The following PACSIN2 variants were observed in gnomAD, a reference collection of about 807,000 sequenced individuals.
PACSIN2 encodes the protein protein kinase C and casein kinase substrate in neurons 2.
In PACSIN2, 25 loss-of-function variants were observed where a neutral mutation model predicts 63.8. That is an observed-to-expected ratio of 0.39 (90% CI 0.29 to 0.55). The LOEUF (loss-of-function observed/expected upper bound fraction) is 0.55, where lower values mean the gene tolerates loss of function less well. PACSIN2 is among the 20% of genes least tolerant of loss of function. PACSIN2 has a pLI of 0.62. For synonymous variants in PACSIN2, 255 were observed against 256.2 expected (o/e 1.00, Z 0.05); for missense variants, 518 against 646.9 (o/e 0.80, Z 2.16).
intron 1 of PACSIN2, among the ~76,000 whole-genome samples, chr22:42,923,004 CGGCAGA>C (rs1932294376): frequency 6.6e-6 from 1 of 152,060 alleles, no homozygotes; most frequent in African/African-American, 2.4e-5. Context: ...GGGGTCTTTC[CGGCAGA>C]GGCAGAGGGA....
At chr22:42,905,629 A>G (rs566603997) in intron 2 of PACSIN2, among the ~76,000 whole-genome samples, 44 of 152,214 alleles carry the variant, frequency 2.9e-4, no homozygotes, top group Non-Finnish European at 5.1e-4. Flanking sequence ...TTTTCCCAGT[A>G]TCGGGAATGG....
intron 1 of PACSIN2, among the ~76,000 whole-genome samples, chr22:42,965,665 C>T (rs1920947380): frequency 6.6e-6 from 1 of 152,156 alleles, no homozygotes; most frequent in Admixed American, 6.5e-5. Flanking sequence ...AACTGATCCT[C>T]TACCAATGAC....
At position 42,884,504 on chromosome 22, in the gene PACSIN2, T is replaced by C; in HGVS notation, c.667A>G (p.Met223Val). The change falls in exon 6 of 11, where the codon ATG (methionine) becomes GTG (valine). Residue 223 changes from methionine to valine, a missense_variant. By Grantham distance (21) the Met-to-Val change is conservative. Around this residue, in one of 2 missense-constraint regions of PACSIN2, gnomAD observed 507 missense variants for 612.3 expected, o/e 0.83. Coordinates refer to ENST00000263246, the MANE Select transcript of PACSIN2 (RefSeq NM_001184970.3). ...TCAAACACCTGCTCCATGTTCTCCA[T>C]GTACTGGGGTGTGCCCTGGTCGAGT... Reference protein sequence around the residue: ...KELDQGTPQYMENMEQVFEQC... With the variant: ...KELDQGTPQYVENMEQVFEQC... 6.2e-7 allele frequency: 1 copy of C among 1,614,190 alleles called. No homozygotes were observed. Among genetic ancestry groups the C allele is most frequent in the Non-Finnish European group, 8.5e-7 (1 of 1,180,000 alleles).
chr22:42,933,879 A>G (rs1932834374), intron 1 of PACSIN2, among the ~76,000 whole-genome samples: 1 of 152,250 alleles, frequency 6.6e-6, no homozygotes, highest in Admixed American at 6.5e-5. Flanking sequence ...GAAAGTATGA[A>G]CAAGCAGACG....
intron 1 of PACSIN2, among the ~76,000 whole-genome samples, chr22:42,916,971 G>A (rs1601515528): frequency 6.6e-6 from 1 of 152,060 alleles, no homozygotes; most frequent in Non-Finnish European, 1.5e-5. Context: ...AGCACTTTTG[G>A]TGACGCTGCC....
intron 2 of PACSIN2, among the ~76,000 whole-genome samples, chr22:42,896,082 T>C (rs1280668979): frequency 2.0e-5 from 3 of 152,188 alleles, no homozygotes; most frequent in African/African-American, 7.2e-5. Flanking sequence ...GATCTGAATG[T>C]GGACAAACAT....
chr22:42,979,225 G>T (rs1354077504), intron 1 of PACSIN2, among the ~76,000 whole-genome samples: 2 of 152,086 alleles, frequency 1.3e-5, no homozygotes, highest in Non-Finnish European at 2.9e-5. Flanking sequence ...TAGATTTACA[G>T]AAATATAGAG....
chr22:42,908,546 T>A (rs1931238374), intron 2 of PACSIN2, among the ~76,000 whole-genome samples: 1 of 152,168 alleles, frequency 6.6e-6, no homozygotes, highest in Non-Finnish European at 1.5e-5. Context: ...CAGGAAAACT[T>A]GCCAGAAGTA....
intron 1 of PACSIN2, among the ~76,000 whole-genome samples, chr22:42,986,792 A>G (rs574894598): frequency 6.6e-6 from 1 of 152,226 alleles, no homozygotes; most frequent in East Asian, 1.9e-4. Context: ...CTACTGCATC[A>G]ACACTTGTCT....
intron 2 of PACSIN2, among the ~76,000 whole-genome samples, chr22:42,910,398 C>T (rs1931369518): frequency 6.6e-6 from 1 of 152,232 alleles, no homozygotes; most frequent in South Asian, 2.1e-4. Flanking sequence ...GGAAGGCTCT[C>T]ACAGCTGCTG....
At chr22:42,920,610 G>A (rs1281334047) in intron 1 of PACSIN2, among the ~76,000 whole-genome samples, 4 of 151,978 alleles carry the variant, frequency 2.6e-5, no homozygotes, top group African/African-American at 7.2e-5. Context: ...AAACAAGGCC[G>A]CACCGCCCAT....
chr22:42,973,216 A>G (rs1402554131), intron 1 of PACSIN2, among the ~76,000 whole-genome samples: 1 of 152,260 alleles, frequency 6.6e-6, no homozygotes, highest in Non-Finnish European at 1.5e-5. Flanking sequence ...TTTTAAAACA[A>G]TCTTTAAAAA....
intron 1 of PACSIN2, among the ~76,000 whole-genome samples, chr22:42,949,468 G>GCA (rs201241043): frequency 0.022 from 3,310 of 150,858 alleles, 109 homozygotes; most frequent in African/African-American, 0.075. Context: ...GCGCGCGCAC[G>GCA]CACACACACA....
At chr22:42,913,017 ATCACATGAATCT>A (rs1931563109) in intron 1 of PACSIN2, among the ~76,000 whole-genome samples, 1 of 152,198 alleles carries the variant, frequency 6.6e-6, no homozygotes, top group Non-Finnish European at 1.5e-5. Context: ...TTCATATGTA[ATCACATGAATCT>A]TCATGATTCT....
rs1451755280 is a variant in PACSIN2, at chr22:43,015,123, C to G, written c.-180G>C. On this transcript the variant is annotated 5_prime_UTR_variant, in exon 1 of 11. Coordinates refer to ENST00000263246, the MANE Select transcript of PACSIN2 (RefSeq NM_001184970.3). ...TTTTGCTCCGGCAGCACTGCCCAGC[C>G]CTGCCCAGACCCCTGCGGCCGCTTC... is the stretch of plus-strand genomic sequence containing the variant. 6.5e-6 allele frequency: 1 copy of G among 152,808 alleles called. No individual in the cohort carries two copies. The highest frequency in any genetic ancestry group is 1.9e-4 in the East Asian group (1 of 5,200). The allele number at this position is 152,808 out of a possible 1,614,324, so 9.5% of individuals were successfully genotyped here.
chr22:42,871,374 C>CATAA lies in PACSIN2; in HGVS notation c.1440_1443dup (p.Val482LeufsTer39). ...CCGACTCATCACTGGATCGCCTCCA[C>CATAA]ATAATTTGCCGGGTATAGGCCAACT... On this transcript the variant is annotated frameshift_variant, in exon 11 of 11. Transcript: ENST00000263246. LOFTEE classifies it high-confidence loss of function. The surrounding 1 kb of genome is among the most constrained non-coding windows in gnomAD (Gnocchi z 5.4). 1.2e-6 allele frequency: 2 copies of CATAA among 1,613,298 alleles called. No individual in the cohort carries two copies. Among genetic ancestry groups the CATAA allele is most frequent in the Non-Finnish European group, 1.7e-6 (2 of 1,179,190 alleles).
chr22:42,982,210 A>G, intron 1 of PACSIN2, among the ~76,000 whole-genome samples: 1 of 75,546 alleles, frequency 1.3e-5, no homozygotes, highest in Non-Finnish European at 2.6e-5. Flanking sequence ...GGAAGTGAGG[A>G]GCCCCTCTGC....
chr22:42,991,919 C>T lies in PACSIN2; in HGVS notation c.-78+23102G>A, dbSNP rs112822056. 4.0e-3 allele frequency among the ~76,000 whole-genome samples: 605 copies of T among 151,726 alleles called. 4 individuals are homozygous for T. The highest frequency in any genetic ancestry group is 0.014 in the African/African-American group (585 of 41,392). The stretch of plus-strand genomic sequence containing the variant: ...AACATAAAACTATAACATTTCTAGA[C>T]GAGACATGAGAAAACATTTGTGACC... On this transcript the variant is annotated intron_variant, in intron 1 of 10. Coordinates refer to ENST00000263246, the MANE Select transcript of PACSIN2 (RefSeq NM_001184970.3).
At chr22:42,885,887 G>A (rs143393089) in intron 5 of PACSIN2, among the ~76,000 whole-genome samples, 36 of 152,268 alleles carry the variant, frequency 2.4e-4, no homozygotes, top group East Asian at 7.7e-4. Flanking sequence ...GCTCCACAGC[G>A]CTGTGGCTAT....
Sources: gnomAD v4.1 joint callset for allele counts (sites outside exome capture counted in the v4.1 genomes callset) on GRCh38, gnomAD v4.1.1 for gene constraint, gnomAD v4.1.1 regional missense constraint, Gnocchi (gnomAD v3.1) non-coding constraint, MANE v1.5 for transcripts, NCBI Gene and HGNC (gene_info 2026-07-23, HGNC 2026-07-21) for gene names.